Variants in TULP4 observed in about 807,000 individuals in gnomAD.
TULP4 encodes the protein TUB like protein 4.
Under a neutral mutation model 129.0 loss-of-function variants are expected in TULP4, and 16 were observed. The observed-to-expected ratio is 0.12, with a 90% confidence interval of 0.08 to 0.19. The LOEUF is 0.19. Among genes scored for constraint, TULP4 ranks in the 10% least tolerant of loss-of-function variants. The pLI is 1.00. For synonymous variants in TULP4, 998 were observed against 854.0 expected (o/e 1.17, Z -2.94); for missense variants, 1,842 against 2,059.1 (o/e 0.89, Z 2.04).
At chr6:158,274,366 C>T (rs920561006) in intron 1 of TULP4, among the ~76,000 whole-genome samples, 1 of 152,238 alleles carries the variant, frequency 6.6e-6, no homozygotes, top group African/African-American at 2.4e-5. Flanking sequence ...TGCTGGCCAC[C>T]ACCAGCTGTA....
At chr6:158,409,498 C>T (rs981860241) in intron 1 of TULP4, among the ~76,000 whole-genome samples, 7 of 152,276 alleles carry the variant, frequency 4.6e-5, no homozygotes, top group South Asian at 2.1e-4. Flanking sequence ...TGGATAACTG[C>T]GCAGATCCAT....
intron 1 of TULP4, among the ~76,000 whole-genome samples, chr6:158,370,939 G>A (rs886722626): frequency 2.6e-5 from 4 of 152,198 alleles, no homozygotes; most frequent in African/African-American, 9.6e-5. Flanking sequence ...TCCTGCAAGT[G>A]AGCTGAAATC....
At position 158,502,129 on chromosome 6, in the gene TULP4, C is replaced by G; in HGVS notation, c.2466C>G (p.Ala822=). 1.2e-6 allele frequency: 2 copies of G among 1,606,206 alleles called. No homozygotes were observed. The highest frequency in any genetic ancestry group is 1.7e-6 in the Non-Finnish European group (2 of 1,176,200). Reference sequence around the variant, plus strand: ...AGGGGGACGCAGTGGTCTTTAGTGCCCCCCAGGAGGTCCAGGTGACGAAGA... The same window carrying G: ...AGGGGGACGCAGTGGTCTTTAGTGCGCCCCAGGAGGTCCAGGTGACGAAGA... The part of the protein sequence containing the change: ...AAEGDAVVFS[A]PQEVQVTKIN... The change falls in exon 13 of 14, where the codon GCC becomes GCG. Residue 822 remains alanine, a synonymous_variant. Transcript: ENST00000367097.
At chr6:158,312,072 C>T, upstream of TULP4, 1 of 397,288 alleles carries the variant, frequency 2.5e-6, no homozygotes, top group Non-Finnish European at 4.4e-6. Context: ...TCCAGGGCCT[C>T]CCAGCCGTGA....
intron 1 of TULP4, among the ~76,000 whole-genome samples, chr6:158,266,850 A>G (rs1473869834): frequency 6.6e-6 from 1 of 152,214 alleles, no homozygotes; most frequent in Non-Finnish European, 1.5e-5. Flanking sequence ...GGACAACGGT[A>G]TAATTCAGTG....
At chr6:158,431,132 G>C (rs1370778624) in intron 3 of TULP4, among the ~76,000 whole-genome samples, 2 of 152,070 alleles carry the variant, frequency 1.3e-5, no homozygotes. Flanking sequence ...TATATGAAAT[G>C]CTTAGATTCC....
chr6:158,503,205 T>A lies in TULP4; in HGVS notation c.3542T>A (p.Phe1181Tyr), dbSNP rs1054402680. The change falls in exon 13 of 14, where the codon TTC becomes TAC. Residue 1181 changes from phenylalanine (F) to tyrosine (Y), a missense_variant. This residue lies in a region of TULP4 where 1,089 missense variants were observed against 987.1 expected (regional missense o/e 1.10). Coordinates refer to ENST00000367097, the MANE Select transcript of TULP4 (RefSeq NM_020245.5). The surrounding 1 kb of genome is among the most constrained non-coding windows in gnomAD (Gnocchi z 4.3). ...TCTCCTGCCAGCCCCACTGCCACTT[T>A]CCAAACAGGCTATGGGATGGGAGTG... ...PKSPASPTAT[F>Y]QTGYGMGVPY... 1.9e-6 allele frequency: 3 copies of A among 1,613,934 alleles called. No homozygotes were observed. Among genetic ancestry groups the A allele is most frequent in the Non-Finnish European group, 2.5e-6 (3 of 1,179,948 alleles).
In TULP4 at chr6:158,419,065, G is replaced by A. The variant is rs1778278028; in HGVS notation, c.381+5872G>A. Among the ~76,000 whole-genome samples, 4 of 152,106 alleles carry A rather than the reference G, an allele frequency of 2.6e-5. No homozygotes were observed. The South Asian group carries it at 8.3e-4, about 32-fold the overall frequency. On this transcript the variant is annotated intron_variant, in intron 2 of 13. Transcript: ENST00000367097. ...GAAAAACATTGTTTTATGTTAATGA[G>A]AAAAACCAGACAGTATAATTGGTTG...
intron 7 of TULP4, among the ~76,000 whole-genome samples, chr6:158,480,179 GT>G (rs1779907651): frequency 6.6e-6 from 1 of 152,362 alleles, no homozygotes; most frequent in South Asian, 2.1e-4. Flanking sequence ...TGTGGTGGCT[GT>G]TATCTTTCTC....
At chr6:158,358,979 G>A (rs1038757677) in intron 1 of TULP4, among the ~76,000 whole-genome samples, 11 of 152,272 alleles carry the variant, frequency 7.2e-5, no homozygotes, top group Non-Finnish European at 1.2e-4. Context: ...AATCTAAGCC[G>A]TTTCAGCTTT....
rs1355524797 is a variant in TULP4, at chr6:158,510,929, A to G, written c.*4235A>G. 1 of 152,248 alleles carries G rather than the reference A, an allele frequency of 6.6e-6. No individual in the cohort carries two copies. Among genetic ancestry groups the G allele is most frequent in the Non-Finnish European group, 1.5e-5 (1 of 68,046 alleles). 9.4% of individuals were successfully genotyped at this position (152,248 alleles called of 1,614,324 possible). ...CATGGTGTCGCTGTGTGCCTGTATC[A>G]TTTGGCCAAGTCAATGGTTGTAAGC... On this transcript the variant is annotated 3_prime_UTR_variant, in exon 14 of 14. Coordinates refer to ENST00000367097, the MANE Select transcript of TULP4 (RefSeq NM_020245.5).
chr6:158,432,697 CTAAAA>C (rs1159980172), intron 3 of TULP4, among the ~76,000 whole-genome samples: 1 of 152,286 alleles, frequency 6.6e-6, no homozygotes, highest in East Asian at 1.9e-4. Flanking sequence ...CCCGTCTGTA[CTAAAA>C]ATAGAAAAAT....
chr6:158,263,811 A>C (rs262828), intron 1 of TULP4, among the ~76,000 whole-genome samples: 19,486 of 151,870 alleles, frequency 0.13, 1,546 homozygotes, highest in African/African-American at 0.21. Flanking sequence ...GCCTGTAATC[A>C]CAGCACTTTG....
intron 1 of TULP4, among the ~76,000 whole-genome samples, chr6:158,375,737 A>C (rs1014213175): frequency 6.6e-6 from 1 of 152,192 alleles, no homozygotes; most frequent in African/African-American, 2.4e-5. Context: ...TTAAACAGCT[A>C]CTCCTGACCT....
At chr6:158,399,033 A>G (rs1777784571) in intron 1 of TULP4, among the ~76,000 whole-genome samples, 1 of 152,204 alleles carries the variant, frequency 6.6e-6, no homozygotes, top group Non-Finnish European at 1.5e-5. Flanking sequence ...TTCCTTTTAC[A>G]GGGATTGATG....
chr6:158,357,524 C>T (rs1410523777), intron 1 of TULP4, among the ~76,000 whole-genome samples: 2 of 152,346 alleles, frequency 1.3e-5, no homozygotes, highest in South Asian at 2.1e-4. Flanking sequence ...GCCAGCAGCC[C>T]TGCGGCGGCC....
chr6:158,238,169 A>G, intron 1 of TULP4: 6 of 775,310 alleles, frequency 7.7e-6, no homozygotes, highest in Admixed American at 5.2e-5. Context: ...ATGCTAAGAA[A>G]TATTCTCTTG....
At chr6:158,315,945 T>C (rs1410372038) in intron 1 of TULP4, among the ~76,000 whole-genome samples, 2 of 152,222 alleles carry the variant, frequency 1.3e-5, no homozygotes, top group Admixed American at 6.5e-5. Context: ...GGTTTCAACA[T>C]TGAATTTTGT....
At chr6:158,240,019 G>A (rs868680031) in intron 1 of TULP4, among the ~76,000 whole-genome samples, 80 of 93,726 alleles carry the variant, frequency 8.5e-4, no homozygotes, top group East Asian at 8.1e-4. Context: ...CCTCCCGGAC[G>A]GGGCGGCTGG....
Sources: allele counts gnomAD v4.1 joint callset (sites outside exome capture counted in the v4.1 genomes callset), GRCh38; gene constraint gnomAD v4.1.1; regional missense constraint gnomAD v4.1.1; non-coding constraint Gnocchi (gnomAD v3.1); transcripts MANE v1.5; gene names NCBI Gene and HGNC (gene_info 2026-07-23, HGNC 2026-07-21).